The following PPP2R2C variants were observed in gnomAD, a reference collection of about 807,000 sequenced individuals.
The protein encoded by PPP2R2C is protein phosphatase 2 regulatory subunit Bgamma.
In PPP2R2C, 10 loss-of-function variants were observed where a neutral mutation model predicts 45.3. That is an observed-to-expected ratio of 0.22 (90% CI 0.14 to 0.37). The LOEUF is 0.37. Among genes scored for constraint, PPP2R2C ranks in the 10% least tolerant of loss-of-function variants. The pLI is 1.00. For missense variants in PPP2R2C, 308 were observed against 619.7 expected (o/e 0.50, Z 5.34); for synonymous variants, 257 against 245.4 (o/e 1.05, Z -0.44).
intron 2 of PPP2R2C, among the ~76,000 whole-genome samples, chr4:6,530,482 C>T (rs188549457): frequency 6.6e-6 from 1 of 152,338 alleles, no homozygotes; most frequent in Admixed American, 6.5e-5. Flanking sequence ...GTCCTCCTTA[C>T]TTGCTGCAAG....
rs182426437 is a variant in PPP2R2C at position 6,438,860 on chromosome 4, T to C, written c.70+33300A>G. On this transcript the variant is annotated intron_variant, in intron 1 of 8. Coordinates refer to ENST00000382599, the MANE Select transcript of PPP2R2C (RefSeq NM_020416.4). Reference sequence around the variant, plus strand: ...GAGGGCCAACATTTAAAGAAACCTATTAGGTGAATAATACATGAGTGGTAT... The same window carrying C: ...GAGGGCCAACATTTAAAGAAACCTACTAGGTGAATAATACATGAGTGGTAT... Among the ~76,000 whole-genome samples, 507 of 152,352 alleles carry C rather than the reference T, an allele frequency of 3.3e-3. 5 individuals are homozygous for C. The highest frequency in any genetic ancestry group is 0.012 in the African/African-American group (480 of 41,584).
chr4:6,492,233 T>TC (rs1722719859), intron 2 of PPP2R2C, among the ~76,000 whole-genome samples: 1 of 152,142 alleles, frequency 6.6e-6, no homozygotes, highest in South Asian at 2.1e-4. Context: ...CAAGGACATG[T>TC]CCCACAGTGC....
chr4:6,455,933 T>C (rs1406651378), intron 1 of PPP2R2C, among the ~76,000 whole-genome samples: 1 of 151,914 alleles, frequency 6.6e-6, no homozygotes, highest in Non-Finnish European at 1.5e-5. Context: ...ACTGCATCCC[T>C]GCCCCTCACA....
exon 2 of PPP2R2C, chr4:6,535,327 G>A: frequency 6.5e-7 from 1 of 1,535,332 alleles, no homozygotes; most frequent in East Asian, 2.4e-5. Flanking sequence ...CATCCTGAGA[G>A]AGGTGACTAA....
At chr4:6,455,263 C>G (rs1485418089) in intron 1 of PPP2R2C, among the ~76,000 whole-genome samples, 1 of 152,224 alleles carries the variant, frequency 6.6e-6, no homozygotes, top group Non-Finnish European at 1.5e-5. Flanking sequence ...TTAAAAACAC[C>G]TATAGCCCTA....
At chr4:6,393,178 G>C (rs544037704) in intron 1 of PPP2R2C, among the ~76,000 whole-genome samples, 3 of 152,156 alleles carry the variant, frequency 2.0e-5, no homozygotes, top group African/African-American at 7.2e-5. Context: ...GCCCCAAAAA[G>C]AAACTCAGAA....
At chr4:6,560,766 A>C (rs1434555505) in intron 1 of PPP2R2C, among the ~76,000 whole-genome samples, 1 of 152,216 alleles carries the variant, frequency 6.6e-6, no homozygotes, top group Non-Finnish European at 1.5e-5. Flanking sequence ...CAGAGTCATA[A>C]AATTCCTGAC....
intron 2 of PPP2R2C, among the ~76,000 whole-genome samples, chr4:6,512,512 TTGGTGGTGGTGGTGGTGATGGTGA>T (rs1723670710): frequency 3.1e-4 from 4 of 12,844 alleles, no homozygotes; most frequent in Non-Finnish European, 6.1e-4. Flanking sequence ...GGTGGTGATG[TTGGTGGTGGTGGTGGTGATGGTGA>T]TGGTGGTGAT....
intron 1 of PPP2R2C, among the ~76,000 whole-genome samples, chr4:6,546,082 A>G (rs1164644251): frequency 6.6e-6 from 1 of 152,244 alleles, no homozygotes; most frequent in African/African-American, 2.4e-5. Context: ...GAACGATAAT[A>G]GCAGCTGTCG....
intron 2 of PPP2R2C, among the ~76,000 whole-genome samples, chr4:6,521,787 C>T (rs1724035464): frequency 6.6e-6 from 1 of 152,198 alleles, no homozygotes; most frequent in African/African-American, 2.4e-5. Flanking sequence ...CATTTACTAC[C>T]ATCCAAGAGC....
chr4:6,384,415 G>A lies in PPP2R2C; in HGVS notation c.71-3321C>T, dbSNP rs1716078240. 4 of 984,742 alleles carry A rather than the reference G, an allele frequency of 4.1e-6. No homozygotes were observed. In the South Asian group the frequency reaches 1.9e-4, roughly 46 times the overall value. 61.0% of individuals were successfully genotyped at this position (984,742 alleles called of 1,614,324 possible). ...AACGGAGGTAGCTTTAGGGTAGCTG[G>A]AACAAAATAATATTTCCTCCTCTTT... On this transcript the variant is annotated intron_variant, in intron 1 of 8. Coordinates refer to ENST00000382599, the MANE Select transcript of PPP2R2C (RefSeq NM_020416.4).
At chr4:6,492,745 C>T (rs1722735967) in intron 2 of PPP2R2C, among the ~76,000 whole-genome samples, 2 of 152,192 alleles carry the variant, frequency 1.3e-5, no homozygotes, top group Non-Finnish European at 2.9e-5. Flanking sequence ...GGAATGCAAA[C>T]TAAGAGACAC....
chr4:6,326,043 C>A (rs1236387983), intron 8 of PPP2R2C, among the ~76,000 whole-genome samples: 2 of 152,220 alleles, frequency 1.3e-5, no homozygotes, highest in African/African-American at 4.8e-5. Context: ...CAGTGCTCTC[C>A]TCGCCCCTTG....
intron 2 of PPP2R2C, among the ~76,000 whole-genome samples, chr4:6,514,801 A>G (rs548189468): frequency 6.6e-6 from 1 of 152,322 alleles, no homozygotes; most frequent in African/African-American, 2.4e-5. Flanking sequence ...CTGAAAACAT[A>G]GTGTCAGCAG....
At chr4:6,372,401 C>T in intron 5 of PPP2R2C, 122 bp downstream of exon 5, 1 of 1,047,422 alleles carries the variant, frequency 9.5e-7, no homozygotes, top group East Asian at 2.5e-5. Flanking sequence ...AGGTGCCTCA[C>T]TGAAGAAGTT....
chr4:6,382,552 A>G, intron 1 of PPP2R2C: 1 of 1,341,046 alleles, frequency 7.5e-7, no homozygotes, highest in Non-Finnish European at 9.9e-7. Flanking sequence ...CATCCTCTGC[A>G]GCTTCCCCAG....
At chr4:6,481,047 C>T (rs1015478972) in intron 2 of PPP2R2C, among the ~76,000 whole-genome samples, 1 of 152,202 alleles carries the variant, frequency 6.6e-6, no homozygotes, top group African/African-American at 2.4e-5. Context: ...ATTGTATCCT[C>T]TGCTGTTTAT....
chr4:6,438,792 A>T (rs1235071107), intron 1 of PPP2R2C, among the ~76,000 whole-genome samples: 1 of 152,202 alleles, frequency 6.6e-6, no homozygotes, highest in African/African-American at 2.4e-5. Flanking sequence ...GTCTTTGGTT[A>T]CTTCTATTTT....
At chr4:6,403,960 G>A (rs1297782106) in intron 1 of PPP2R2C, among the ~76,000 whole-genome samples, 2 of 152,080 alleles carry the variant, frequency 1.3e-5, no homozygotes, top group African/African-American at 4.8e-5. Context: ...AAGAGCACTG[G>A]GATGGGAGTC....
Sources: gnomAD v4.1 joint callset for allele counts (sites outside exome capture counted in the v4.1 genomes callset) on GRCh38, gnomAD v4.1.1 for gene constraint, MANE v1.5 for transcripts, NCBI Gene and HGNC (gene_info 2026-07-23, HGNC 2026-07-21) for gene names.